The following TPTE2 variants were observed in gnomAD, a reference collection of about 807,000 sequenced individuals.
TPTE2 encodes phosphatidylinositol 3,4,5-trisphosphate 3-phosphatase TPTE2.
In TPTE2, 53 loss-of-function variants were observed where a neutral mutation model predicts 78.6. That is an observed-to-expected ratio of 0.67 (90% CI 0.54 to 0.85). The LOEUF (loss-of-function observed/expected upper bound fraction) is 0.85, where lower values mean the gene tolerates loss of function less well. Among genes scored for constraint, TPTE2 ranks in the 40% least tolerant of loss-of-function variants. The pLI is 0.00. For missense variants in TPTE2, 461 were observed against 623.0 expected, an observed-to-expected ratio of 0.74 and a Z score of 2.77; for synonymous variants, 175 against 206.2, an observed-to-expected ratio of 0.85 and a Z score of 1.30.
intron 13 of TPTE2, among the ~76,000 whole-genome samples, chr13:19,440,868 C>A (rs1877446968): frequency 1.3e-5 from 2 of 152,038 alleles, no homozygotes; most frequent in Admixed American, 6.6e-5. Flanking sequence ...GGGTGGATCA[C>A]CCGAGGTCAG....
At chr13:19,442,930 C>A (rs1170176773) in intron 13 of TPTE2, among the ~76,000 whole-genome samples, 2 of 152,008 alleles carry the variant, frequency 1.3e-5, no homozygotes, top group Non-Finnish European at 2.9e-5. Context: ...AACTCTAGGC[C>A]AATGTGCCTT....
chr13:19,457,579 T>G (rs11842366), intron 10 of TPTE2, among the ~76,000 whole-genome samples: 2,547 of 152,072 alleles, frequency 0.017, 65 homozygotes, highest in African/African-American at 0.058. Context: ...TGTGCTCATG[T>G]GTTCTCATTG....
At chr13:19,543,415 G>A in the TPTE2 span, among the ~76,000 whole-genome samples, 41 of 148,798 alleles carry the variant, frequency 2.8e-4, 1 homozygote, top group East Asian at 3.0e-3. Context: ...GCTAGAGTGC[G>A]ATGGGCCATC....
intron 1 of TPTE2, among the ~76,000 whole-genome samples, chr13:19,528,955 C>A (rs1870694389): frequency 1.3e-5 from 2 of 151,878 alleles, no homozygotes; most frequent in Non-Finnish European, 2.9e-5. Context: ...CCTGTCTCTA[C>A]TAAAAATAAA....
At chr13:19,539,835 T>C (rs1055784714), upstream of TPTE2, among the ~76,000 whole-genome samples, 2 of 152,186 alleles carry the variant, frequency 1.3e-5, no homozygotes, top group African/African-American at 4.8e-5. Flanking sequence ...ACAATACATT[T>C]ATGAAGTTCC....
chr13:19,464,560 G>T (rs770652243), intron 9 of TPTE2, 40 bp from the exon 13 acceptor site: 1 of 1,584,162 alleles, frequency 6.3e-7, no homozygotes, highest in Non-Finnish European at 8.6e-7. Context: ...CATTATTATA[G>T]ATTTCATATA....
intron 15 of TPTE2, 59 bp from the exon 19 acceptor site, chr13:19,432,637 CTTTTTTTTT>C: frequency 1.5e-6 from 1 of 671,626 alleles, no homozygotes; most frequent in Non-Finnish European, 2.4e-6. Context: ...GTCAGCATTC[CTTTTTTTTT>C]TTTTTTTTGC....
chr13:19,491,404 G>C (rs111948043), intron 3 of TPTE2, among the ~76,000 whole-genome samples: 53 of 152,270 alleles, frequency 3.5e-4, no homozygotes, highest in African/African-American at 1.2e-3. Flanking sequence ...TATAATAAGT[G>C]AGGGTATGCA....
At chr13:19,509,452 T>C (rs1412004763) in intron 1 of TPTE2, among the ~76,000 whole-genome samples, 1 of 152,096 alleles carries the variant, frequency 6.6e-6, no homozygotes, top group Non-Finnish European at 1.5e-5. Flanking sequence ...ATAACACAAC[T>C]AAAAGTTTTT....
intron 1 of TPTE2, among the ~76,000 whole-genome samples, chr13:19,524,302 C>T (rs1870367620): frequency 6.6e-6 from 1 of 152,114 alleles, no homozygotes; most frequent in African/African-American, 2.4e-5. Flanking sequence ...TTAAGTCTTC[C>T]CTAATGTTTT....
chr13:19,482,797 C>CTA (rs1160839643), intron 3 of TPTE2, among the ~76,000 whole-genome samples: 1 of 150,724 alleles, frequency 6.6e-6, no homozygotes, highest in Non-Finnish European at 1.5e-5. Context: ...CTGTCCCTTT[C>CTA]TATATATATG....
At chr13:19,436,331 C>T in intron 14 of TPTE2, 25 bp from the exon 18 acceptor site, 1 of 1,594,060 alleles carries the variant, frequency 6.3e-7, no homozygotes, top group Non-Finnish European at 8.6e-7. Context: ...ACAATCCAAC[C>T]ATGGTTCATC....
chr13:19,523,837 C>T (rs73431176), intron 1 of TPTE2, among the ~76,000 whole-genome samples: 5,685 of 152,204 alleles, frequency 0.037, 385 homozygotes, highest in African/African-American at 0.13. Flanking sequence ...TGATTACACA[C>T]ATGCACACAC....
intron 1 of TPTE2, among the ~76,000 whole-genome samples, chr13:19,511,266 A>G (rs1281859120): frequency 1.3e-5 from 2 of 152,224 alleles, no homozygotes; most frequent in Non-Finnish European, 2.9e-5. Context: ...GTTAAAAGCA[A>G]CAACAAAAGG....
At chr13:19,529,793 T>G (rs1342190589) in intron 1 of TPTE2, among the ~76,000 whole-genome samples, 1 of 152,160 alleles carries the variant, frequency 6.6e-6, no homozygotes, top group East Asian at 1.9e-4. Flanking sequence ...CTGGAAACAT[T>G]ACTTCTCTCC....
At chr13:19,442,663 G>A (rs988377376) in intron 13 of TPTE2, among the ~76,000 whole-genome samples, 4 of 151,874 alleles carry the variant, frequency 2.6e-5, no homozygotes. Flanking sequence ...TAAATCCCTG[G>A]TGAGACTAAT....
intron 1 of TPTE2, among the ~76,000 whole-genome samples, chr13:19,510,882 GTTATCACA>G (rs1869387030): frequency 1.3e-5 from 2 of 152,114 alleles, no homozygotes; most frequent in African/African-American, 4.8e-5. Context: ...AAATTCATAA[GTTATCACA>G]TAAATTCAAA....
intron 18 of TPTE2, chr13:19,425,773 G>A (rs2497213): frequency 0.16 from 82,408 of 501,014 alleles, 6,563 homozygotes; most frequent in African/African-American, 0.43. Context: ...CCCATCAGTC[G>A]AGCACAGGTC....
At chr13:19,529,372 C>T (rs1463215350) in intron 1 of TPTE2, among the ~76,000 whole-genome samples, 1 of 152,094 alleles carries the variant, frequency 6.6e-6, no homozygotes, top group Non-Finnish European at 1.5e-5. Flanking sequence ...GGTGATCCGC[C>T]CGCCTCAGCC....
Sources: allele counts gnomAD v4.1 joint callset (sites outside exome capture counted in the v4.1 genomes callset), GRCh38; gene constraint gnomAD v4.1.1; transcripts MANE v1.5; gene names NCBI Gene and HGNC (gene_info 2026-07-23, HGNC 2026-07-21).